TENM4: variants seen among roughly 807,000 people sequenced by gnomAD.
The protein encoded by TENM4 is teneurin transmembrane protein 4, also known as teneurin-4.
Under a neutral mutation model 243.3 loss-of-function variants are expected in TENM4, and 82 were observed. The observed-to-expected ratio is 0.34, with a 90% CI of 0.28 to 0.40. The LOEUF is 0.40. Among genes scored for constraint, TENM4 ranks in the 10% least tolerant of loss-of-function variants. TENM4 has a pLI of 1.00. For missense variants in TENM4, 3,138 were observed against 3,673.3 expected (o/e 0.85, Z 3.77); for synonymous variants, 1,412 against 1,456.3 (o/e 0.97, Z 0.69).
At chr11:78,880,994 ACT>A (rs1180912238) in intron 9 of TENM4, among the ~76,000 whole-genome samples, 10 of 152,264 alleles carry the variant, frequency 6.6e-5, no homozygotes, top group Non-Finnish European at 1.2e-4. Context: ...TGGTCACGTA[ACT>A]CTACCAGTTT....
At chr11:79,218,237 C>CTCG (rs200507281) in intron 2 of TENM4, among the ~76,000 whole-genome samples, 1 of 118,880 alleles carries the variant, frequency 8.4e-6, no homozygotes, top group Non-Finnish European at 1.8e-5. Flanking sequence ...CCTGCCCACC[C>CTCG]ACCCCCGACA....
chr11:78,792,153 A>G (rs1033560214), intron 15 of TENM4, among the ~76,000 whole-genome samples: 2 of 152,220 alleles, frequency 1.3e-5, no homozygotes, highest in Admixed American at 6.5e-5. Context: ...TGTATGACTA[A>G]TTGATGAGGA....
In TENM4 at chr11:79,405,798, T is replaced by C. The variant is rs1197676818; in HGVS notation, c.-321+34711A>G. Among the ~76,000 whole-genome samples, 4 of 148,790 alleles carry C rather than the reference T, an allele frequency of 2.7e-5. No individual in the cohort carries two copies. In the Admixed American group the frequency reaches 2.7e-4, roughly 10 times the overall value. ...CAATGATTTACGCATATAAAAATGA[T>C]GTGGTAAACATTTTTGTCCATCTAA... On this transcript the variant is annotated intron_variant, in intron 1 of 33. Coordinates refer to ENST00000278550, the MANE Select transcript of TENM4 (RefSeq NM_001098816.3).
At chr11:79,138,097 T>C (rs1475373268) in intron 4 of TENM4, among the ~76,000 whole-genome samples, 1 of 151,500 alleles carries the variant, frequency 6.6e-6, no homozygotes, top group Non-Finnish European at 1.5e-5. Flanking sequence ...CCAGCATGGC[T>C]AGAATATAAG....
intron 6 of TENM4, among the ~76,000 whole-genome samples, chr11:79,018,252 CA>C (rs1437922170): frequency 6.6e-6 from 1 of 152,170 alleles, no homozygotes; most frequent in African/African-American, 2.4e-5. Context: ...TAATTATTAG[CA>C]GCGATCCCAT....
At chr11:79,179,742 A>G (rs1164196745) in intron 3 of TENM4, among the ~76,000 whole-genome samples, 2 of 151,866 alleles carry the variant, frequency 1.3e-5, no homozygotes, top group Non-Finnish European at 2.9e-5. Context: ...GAGTGATTCA[A>G]TAAAGAGTTT....
rs1018063134 is a variant in TENM4 at position 78,826,738 on chromosome 11, T to C, written c.1682-12343A>G. ...ATTTGAATTAGTTGCCAGAACTTTT[T>C]AAAAATGAGGTCAAAGAAAAATCTT... On this transcript the variant is annotated intron_variant, in intron 12 of 33. Transcript: ENST00000278550. 7.2e-5 allele frequency among the ~76,000 whole-genome samples: 11 copies of C among 152,352 alleles called. No homozygotes were observed. The South Asian group carries it at 2.1e-3, about 29-fold the overall frequency.
intron 4 of TENM4, among the ~76,000 whole-genome samples, chr11:79,118,158 CCA>C (rs1861659712): frequency 6.6e-6 from 1 of 152,034 alleles, no homozygotes; most frequent in Non-Finnish European, 1.5e-5. Context: ...AGGCATGAGA[CCA>C]CACATTTAGG....
At chr11:79,381,928 G>A (rs143421626) in intron 1 of TENM4, among the ~76,000 whole-genome samples, 296 of 152,110 alleles carry the variant, frequency 1.9e-3, no homozygotes, top group African/African-American at 6.7e-3. Context: ...GACAATGGAC[G>A]GGCTATACAC....
intron 2 of TENM4, among the ~76,000 whole-genome samples, chr11:79,234,011 A>G (rs113689034): frequency 0.024 from 3,687 of 152,278 alleles, 138 homozygotes; most frequent in African/African-American, 0.08. Context: ...TAGTGCAAAG[A>G]GCACAGAGTT....
At chr11:79,159,204 A>G (rs145823843) in intron 3 of TENM4, among the ~76,000 whole-genome samples, 2 of 152,160 alleles carry the variant, frequency 1.3e-5, no homozygotes, top group African/African-American at 4.8e-5. Flanking sequence ...TTGAGTCAAC[A>G]TCGCTGGGTT....
rs191488917 is a variant in TENM4 at position 79,234,329 on chromosome 11, G to A, written c.-264-18420C>T. Reference sequence around the variant, plus strand: ...GGGCACCCTGAAAGCTATAGAAAAAGCGAAGGGAAGGTTTGGCCCTCTATG... The same window carrying A: ...GGGCACCCTGAAAGCTATAGAAAAAACGAAGGGAAGGTTTGGCCCTCTATG... On this transcript the variant is annotated intron_variant, in intron 2 of 33. Coordinates refer to ENST00000278550, the MANE Select transcript of TENM4 (RefSeq NM_001098816.3). Among the ~76,000 whole-genome samples, 13 of 152,308 alleles carry A rather than the reference G, an allele frequency of 8.5e-5. 1 individual carries two copies. The East Asian group carries it at 1.9e-3, about 23-fold the overall frequency.
chr11:79,142,961 C>G (rs1481190198), intron 4 of TENM4, among the ~76,000 whole-genome samples: 1 of 151,978 alleles, frequency 6.6e-6, no homozygotes, highest in Admixed American at 6.6e-5. Flanking sequence ...AAATGCAAAT[C>G]AAAACCACAA....
At chr11:78,658,928 C>T (rs769827426) in intron 33 of TENM4, 112 bp from the exon 34 acceptor site, 46 of 1,242,322 alleles carry the variant, frequency 3.7e-5, no homozygotes, top group East Asian at 1.9e-4. Flanking sequence ...TATTAACCTG[C>T]GGCATGTAGC....
At chr11:79,216,156 T>A (rs1328270139) in intron 2 of TENM4, among the ~76,000 whole-genome samples, 2 of 152,226 alleles carry the variant, frequency 1.3e-5, no homozygotes, top group Non-Finnish European at 2.9e-5. Flanking sequence ...TCCCATCTCA[T>A]CTTGTGCTAT....
intron 1 of TENM4, among the ~76,000 whole-genome samples, chr11:79,429,973 G>C (rs1859132320): frequency 6.6e-6 from 1 of 152,140 alleles, no homozygotes. Flanking sequence ...GAAAGTGTGA[G>C]AACTGGGAGT....
At chr11:79,363,559 A>G (rs1857626563) in intron 1 of TENM4, among the ~76,000 whole-genome samples, 1 of 152,192 alleles carries the variant, frequency 6.6e-6, no homozygotes, top group Non-Finnish European at 1.5e-5. Context: ...ATAAATGGGG[A>G]TGAAACACTT....
chr11:79,072,987 C>A (rs1860456241), intron 4 of TENM4, among the ~76,000 whole-genome samples: 1 of 152,040 alleles, frequency 6.6e-6, no homozygotes, highest in Admixed American at 6.6e-5. Context: ...TAATCCTCAC[C>A]CCAACCCTGT....
intron 1 of TENM4, among the ~76,000 whole-genome samples, chr11:79,436,580 C>A (rs1355280324): frequency 6.6e-5 from 10 of 152,166 alleles, no homozygotes. Flanking sequence ...CGTGGGAACC[C>A]ATTACTCTAA....
Sources: gnomAD v4.1 joint callset for allele counts (sites outside exome capture counted in the v4.1 genomes callset) on GRCh38, gnomAD v4.1.1 for gene constraint, MANE v1.5 for transcripts, NCBI Gene and HGNC (gene_info 2026-07-23, HGNC 2026-07-21) for gene names.